Variants in VWDE observed in about 807,000 individuals in gnomAD.
VWDE encodes the protein von Willebrand factor D and EGF domains.
In VWDE, 207 loss-of-function variants were observed where a neutral mutation model predicts 178.4. That is an observed-to-expected ratio of 1.16 (90% CI 1.04 to 1.30). The LOEUF (loss-of-function observed/expected upper bound fraction) is 1.30, where lower values mean the gene tolerates loss of function less well. VWDE is among the 50% of genes most tolerant of loss of function. The probability of loss-of-function intolerance (pLI) is 0.00; values close to 1 mark genes in which losing one functional copy is unlikely to be tolerated. For synonymous variants in VWDE, 738 were observed against 651.4 expected (o/e 1.13, Z -2.02); for missense variants, 2,287 against 1,901.3 (o/e 1.20, Z -3.77).
chr7:12,350,028 G>C (rs1171988831), intron 19 of VWDE, among the ~76,000 whole-genome samples: 1 of 151,870 alleles, frequency 6.6e-6, no homozygotes, highest in Non-Finnish European at 1.5e-5. Flanking sequence ...ATAATGCTAG[G>C]ACAGACAATC....
rs375569132 is a variant in VWDE at position 12,374,064 on chromosome 7, A to C, written c.1316+625T>G. Among the ~76,000 whole-genome samples the C allele has an allele frequency of 9.7e-4, 147 of 152,270 alleles. 3 individuals carry two copies. The South Asian group carries it at 0.029, about 30-fold the overall frequency. On this transcript the variant is annotated intron_variant, in intron 9 of 28. Transcript: ENST00000275358. ...ATCATGAAAAAAATGTTGATGCAAC[A>C]CTAAGACATTCTTATCATTTTCCTT...
intron 18 of VWDE, chr7:12,354,162 G>A (rs761271612): frequency 2.9e-5 from 7 of 240,680 alleles, no homozygotes; most frequent in Non-Finnish European, 5.7e-5. Flanking sequence ...ATTCCCTGCT[G>A]TTACACTCTA....
At chr7:12,352,680 T>C (rs913118626) in intron 18 of VWDE, among the ~76,000 whole-genome samples, 1 of 152,122 alleles carries the variant, frequency 6.6e-6, no homozygotes, top group Non-Finnish European at 1.5e-5. Context: ...CCCCTTACCA[T>C]CCTATACTGT....
At chr7:12,361,840 GAC>G (rs1782597739) in intron 13 of VWDE, among the ~76,000 whole-genome samples, 2 of 151,934 alleles carry the variant, frequency 1.3e-5, no homozygotes, top group South Asian at 4.2e-4. Context: ...CTATATAGAT[GAC>G]ACACAGTGGA....
At chr7:12,357,107 CA>C (rs1213609623) in intron 17 of VWDE, among the ~76,000 whole-genome samples, 157 bp downstream of exon 17, 2 of 152,158 alleles carry the variant, frequency 1.3e-5, no homozygotes, top group East Asian at 3.8e-4. Flanking sequence ...TAAATTCTTA[CA>C]AAGAATAGTC....
chr7:12,373,280 A>C lies in VWDE; in HGVS notation c.1317-33T>G, dbSNP rs986218639. On this transcript the variant is annotated intron_variant, in intron 9 of 28. Transcript: ENST00000275358. Reference sequence around the variant, plus strand: ...TAACAAAAGGCAATTGCATTAAAAAATCGTGTAAAATATCACAATAGTATG... The same window carrying C: ...TAACAAAAGGCAATTGCATTAAAAACTCGTGTAAAATATCACAATAGTATG... 1.9e-6 allele frequency: 3 copies of C among 1,540,058 alleles called. No individual in the cohort carries two copies. In the African/African-American group the frequency reaches 4.1e-5, roughly 21 times the overall value.
Position 12,375,213 on chromosome 7 carries a change from C to T in VWDE, c.1039G>A (p.Gly347Ser), listed in dbSNP as rs1441721295. 1 of 1,550,804 alleles carries T rather than the reference C, an allele frequency of 6.4e-7. No homozygotes were observed. The highest frequency in any genetic ancestry group is 8.7e-7 in the Non-Finnish European group (1 of 1,146,370). ...KTIGQGREHL[G>S]LNLALSSCHV... ...CAGGAAGACAGTGCCAAATTTAAGC[C>T]TAGGTGCTCTCTACCTATTTAATGA... The change falls in exon 8 of 29, where the codon GGC becomes AGC. Residue 347 changes from glycine to serine, a missense_variant. By Grantham distance (56) the Gly-to-Ser change is moderately conservative (BLOSUM62 0). Coordinates refer to ENST00000275358, the MANE Select transcript of VWDE (RefSeq NM_001135924.3).
chr7:12,340,568 A>G (rs1235427514), intron 23 of VWDE, among the ~76,000 whole-genome samples, 151 bp from the exon 24 acceptor site: 3 of 152,222 alleles, frequency 2.0e-5, no homozygotes, highest in East Asian at 3.8e-4. Flanking sequence ...TTTGCCAAAC[A>G]TAAGAGGAAT....
chr7:12,394,498 T>C (rs1784538191), intron 1 of VWDE, among the ~76,000 whole-genome samples: 1 of 152,094 alleles, frequency 6.6e-6, no homozygotes, highest in African/African-American at 2.4e-5. Context: ...GGAAGATACT[T>C]TTTCCATGAA....
intron 19 of VWDE, 110 bp from the exon 20 acceptor site, chr7:12,344,579 T>A (rs73294384): frequency 1.3e-6 from 1 of 772,724 alleles, no homozygotes; most frequent in African/African-American, 1.8e-5. Context: ...AATAGTTAAC[T>A]AATAGTCCCT....
intron 1 of VWDE, among the ~76,000 whole-genome samples, chr7:12,397,122 AG>A (rs1784666865): frequency 6.6e-6 from 1 of 152,220 alleles, no homozygotes; most frequent in African/African-American, 2.4e-5. Flanking sequence ...AAGCAATCTT[AG>A]GCAAAAAGAA....
intron 24 of VWDE, 132 bp downstream of exon 24, chr7:12,340,190 C>T: frequency 1.5e-6 from 1 of 677,744 alleles, no homozygotes; most frequent in South Asian, 2.1e-5. Context: ...GGTGGGCATA[C>T]TTGAAACATC....
chr7:12,353,465 C>T (rs1782056903), intron 18 of VWDE, among the ~76,000 whole-genome samples: 1 of 152,122 alleles, frequency 6.6e-6, no homozygotes, highest in Non-Finnish European at 1.5e-5. Flanking sequence ...GCAAATTCTA[C>T]ACACCCATTC....
intron 19 of VWDE, among the ~76,000 whole-genome samples, chr7:12,346,307 T>G (rs1027418869): frequency 6.6e-6 from 1 of 152,100 alleles, no homozygotes; most frequent in African/African-American, 2.4e-5. Flanking sequence ...GCCTGAGCAA[T>G]TTAGAATATT....
At position 12,333,508 on chromosome 7, in the gene VWDE, C is replaced by T; in HGVS notation, c.4715G>A (p.Cys1572Tyr). Reference protein sequence around the residue: ...GRCIFPNVCSCRTEYSGVKCE... With the variant: ...GRCIFPNVCSYRTEYSGVKCE... ...TTTGACTCCAGAGTATTCAGTGCGGCAGGAACACACATTGGGAAATATGCA... is the reference window on the plus strand; with the variant it reads ...TTTGACTCCAGAGTATTCAGTGCGGTAGGAACACACATTGGGAAATATGCA... The change falls in exon 28 of 29, where the codon TGC becomes TAC. Residue 1572 changes from cysteine to tyrosine, a missense_variant. Transcript: ENST00000275358. The T allele has an allele frequency of 6.4e-7, 1 of 1,551,162 alleles. No homozygotes were observed. The highest frequency in any genetic ancestry group is 8.7e-7 in the Non-Finnish European group (1 of 1,146,648).
intron 3 of VWDE, chr7:12,388,867 ACACT>A (rs138321554): frequency 0.06 from 37,802 of 626,860 alleles, 1,262 homozygotes; most frequent in Middle Eastern, 0.11. Context: ...AATTTTTAAC[ACACT>A]CAATCATTAT....
intron 21 of VWDE, 128 bp from the exon 22 acceptor site, chr7:12,343,306 T>C (rs1781429128): frequency 3.5e-6 from 2 of 576,132 alleles, no homozygotes; most frequent in Non-Finnish European, 3.0e-6. Flanking sequence ...TCTCTTTTAC[T>C]ACAAAACTTA....
intron 19 of VWDE, among the ~76,000 whole-genome samples, chr7:12,347,479 A>C (rs1422266885): frequency 6.6e-6 from 1 of 152,172 alleles, no homozygotes; most frequent in Non-Finnish European, 1.5e-5. Context: ...TTGGCCTTAC[A>C]GATACTAAAA....
chr7:12,341,272 T>C (rs1046238992), intron 23 of VWDE, among the ~76,000 whole-genome samples: 5 of 152,170 alleles, frequency 3.3e-5, no homozygotes, highest in African/African-American at 9.7e-5. Flanking sequence ...TACACTTTCA[T>C]TGAGAAAAAG....
Sources: gnomAD v4.1 joint callset for allele counts (sites outside exome capture counted in the v4.1 genomes callset) on GRCh38, gnomAD v4.1.1 for gene constraint, MANE v1.5 for transcripts, NCBI Gene and HGNC (gene_info 2026-07-23, HGNC 2026-07-21) for gene names.